DARS1: variants seen among roughly 807,000 people sequenced by gnomAD.
DARS1 encodes aspartyl-tRNA synthetase 1.
DARS1 carries 51 observed loss-of-function variants against 68.8 expected under a neutral mutation model. That is an observed-to-expected ratio of 0.74 (90% CI 0.59 to 0.94). The LOEUF (loss-of-function observed/expected upper bound fraction) is 0.94. DARS1 is among the 40% of genes least tolerant of loss of function. DARS1 has a pLI of 0.00. For synonymous variants in DARS1, 203 were observed against 190.4 expected (o/e 1.07, Z -0.55); for missense variants, 607 against 597.3 (o/e 1.02, Z -0.17).
At chr2:135,972,239 G>A (rs1031348047) in intron 3 of DARS1, among the ~76,000 whole-genome samples, 1 of 152,102 alleles carries the variant, frequency 6.6e-6, no homozygotes, top group Non-Finnish European at 1.5e-5. Flanking sequence ...CAGACACACA[G>A]ACCAGTGGAA....
At chr2:135,915,415 T>C (rs1026602570) in intron 11 of DARS1, among the ~76,000 whole-genome samples, 1 of 152,032 alleles carries the variant, frequency 6.6e-6, no homozygotes, top group Non-Finnish European at 1.5e-5. Flanking sequence ...GCCTCTGGAG[T>C]AGTTGGGACT....
intron 4 of DARS1, among the ~76,000 whole-genome samples, chr2:135,954,319 C>CA (rs1681912645): frequency 1.8e-5 from 1 of 55,822 alleles, no homozygotes; most frequent in Non-Finnish European, 3.7e-5. Context: ...ACCAAAAAAA[C>CA]AAAACCAAAA....
At chr2:135,937,223 G>C (rs1017036136) in intron 5 of DARS1, among the ~76,000 whole-genome samples, 1 of 151,918 alleles carries the variant, frequency 6.6e-6, no homozygotes, top group Non-Finnish European at 1.5e-5. Flanking sequence ...TGAGTAGCTG[G>C]GATTGCATGC....
intron 10 of DARS1, among the ~76,000 whole-genome samples, chr2:135,918,432 T>C (rs1681048830): frequency 6.6e-6 from 1 of 152,108 alleles, no homozygotes; most frequent in African/African-American, 2.4e-5. Flanking sequence ...GAGAGGTAAA[T>C]ACTAATGATA....
Position 135,916,308 on chromosome 2 carries a change from G to T in DARS1, c.1024C>A (p.Pro342Thr), listed in dbSNP as rs1681004452. 1 of 1,535,668 alleles carries T rather than the reference G, an allele frequency of 6.5e-7. No individual in the cohort carries two copies. The highest frequency in any genetic ancestry group is 9.0e-7 in the Non-Finnish European group (1 of 1,108,536). ...FPCEPFKFLEPTLRLEYCEAL... is the reference protein window; with the variant it reads ...FPCEPFKFLETTLRLEYCEAL... ...TCACAATATTCTAGTCTTAGAGTTGGCTCCAAAAATTTGAATGGCTCACAT... is the reference window on the plus strand; with the variant it reads ...TCACAATATTCTAGTCTTAGAGTTGTCTCCAAAAATTTGAATGGCTCACAT... The change falls in exon 11 of 16, where the codon CCA becomes ACA. Residue 342 changes from proline (P) to threonine (T), a missense_variant. Coordinates refer to ENST00000264161, the MANE Select transcript of DARS1 (RefSeq NM_001349.4).
At position 135,920,604 on chromosome 2, in the gene DARS1, T is replaced by C. The variant is rs566998932; in HGVS notation, c.812-4A>G. 3.8e-6 allele frequency: 6 copies of C among 1,577,876 alleles called. No individual in the cohort carries two copies. In the African/African-American group the frequency reaches 6.9e-5, roughly 18 times the overall value. ...TTAGAGTCTTCCGCTCTGAATACTG[T>C]GAAGTTAATAAAAGAAATAGAGAGC... On this transcript the variant is annotated splice_polypyrimidine_tract_variant and splice_region_variant and intron_variant, in intron 9 of 15. Transcript: ENST00000264161.
chr2:135,929,411 T>C (rs1681294371), intron 7 of DARS1, among the ~76,000 whole-genome samples: 1 of 152,232 alleles, frequency 6.6e-6, no homozygotes, highest in Non-Finnish European at 1.5e-5. Flanking sequence ...TACTAGTACT[T>C]AATATTTTCC....
chr2:135,961,571 C>A, intron 3 of DARS1, 73 bp from the exon 4 acceptor site: 1 of 860,632 alleles, frequency 1.2e-6, no homozygotes, highest in Non-Finnish European at 2.0e-6. Flanking sequence ...GGAAAATGCT[C>A]TCTACTTTAA....
chr2:135,965,825 T>C (rs1575404389), intron 3 of DARS1, among the ~76,000 whole-genome samples: 1 of 152,308 alleles, frequency 6.6e-6, no homozygotes, highest in South Asian at 2.1e-4. Context: ...TACAAGAACC[T>C]TGATGGTCCA....
chr2:135,948,235 A>T (rs939665792), intron 4 of DARS1, among the ~76,000 whole-genome samples: 2 of 152,234 alleles, frequency 1.3e-5, no homozygotes, highest in African/African-American at 2.4e-5. Flanking sequence ...CTGTTCAAGG[A>T]GTTGCAATAC....
intron 5 of DARS1, among the ~76,000 whole-genome samples, chr2:135,941,911 A>G (rs1681606921): frequency 6.6e-6 from 1 of 152,264 alleles, no homozygotes; most frequent in Non-Finnish European, 1.5e-5. Flanking sequence ...AAAAATGCTC[A>G]TCATCACTGG....
intron 4 of DARS1, among the ~76,000 whole-genome samples, chr2:135,954,442 G>GA (rs1449507895): frequency 1.3e-5 from 2 of 151,694 alleles, no homozygotes; most frequent in African/African-American, 2.4e-5. Flanking sequence ...GATCAAGTGA[G>GA]AAAAAAATCT....
Position 135,922,897 on chromosome 2 carries a change from T to C in DARS1, c.698A>G (p.Asn233Ser), listed in dbSNP as rs139872602. The C allele has an allele frequency of 1.5e-5, 23 of 1,557,942 alleles. No individual in the cohort carries two copies. The highest frequency in any genetic ancestry group is 1.4e-4 in the African/African-American group (10 of 72,352). Reference sequence around the variant, plus strand: ...TTTAAAATATGACACAGTAAAAACATTGGCTCCTCCTTCACTGGCAGCTGA... The same window carrying C: ...TTTAAAATATGACACAGTAAAAACACTGGCTCCTCCTTCACTGGCAGCTGA... ...IISAASEGGANVFTVSYFKNN... is the reference protein window; with the variant it reads ...IISAASEGGASVFTVSYFKNN... The change falls in exon 9 of 16, where the codon AAT (asparagine) becomes AGT (serine). Residue 233 changes from asparagine to serine, a missense_variant. Coordinates refer to ENST00000264161, the MANE Select transcript of DARS1 (RefSeq NM_001349.4).
intron 1 of DARS1, chr2:135,985,179 T>G (rs1682746032): frequency 3.1e-6 from 2 of 651,784 alleles, no homozygotes; most frequent in South Asian, 5.6e-5. Context: ...GGGGACACGC[T>G]TCTAGTAGGC....
chr2:135,985,574 G>A lies in DARS1; in HGVS notation c.-106C>T. 1.3e-6 allele frequency: 2 copies of A among 1,581,320 alleles called. No individual in the cohort carries two copies. The highest frequency in any genetic ancestry group is 1.7e-6 in the Non-Finnish European group (2 of 1,163,190). ...CCCAGTCTCCGCCCTCCCGACCCTG[G>A]GGTCTCAGCACACGCGCTCGGACTC... On this transcript the variant is annotated 5_prime_UTR_variant, in exon 1 of 16. Coordinates refer to ENST00000264161, the MANE Select transcript of DARS1 (RefSeq NM_001349.4).
At chr2:135,942,843 G>A (rs1681635568) in intron 5 of DARS1, among the ~76,000 whole-genome samples, 1 of 152,082 alleles carries the variant, frequency 6.6e-6, no homozygotes. Flanking sequence ...ACTTCCTCTT[G>A]CTCCTGCATG....
chr2:135,927,828 A>G (rs1194488639), intron 7 of DARS1, among the ~76,000 whole-genome samples: 1 of 152,216 alleles, frequency 6.6e-6, no homozygotes, highest in Non-Finnish European at 1.5e-5. Flanking sequence ...TTTAAATTCT[A>G]TAGCAAACTT....
In DARS1 at chr2:135,932,830, T is replaced by C. The variant is rs1681380327; in HGVS notation, c.517A>G (p.Thr173Ala). 3 of 1,301,678 alleles carry C rather than the reference T, an allele frequency of 2.3e-6. No homozygotes were observed. The highest frequency in any genetic ancestry group is 2.6e-5 in the South Asian group (2 of 77,292). The allele number at this position is 1,301,678 out of a possible 1,614,324, so 80.6% of individuals were successfully genotyped here. Residue 173 changes from threonine (T) to alanine (A), a missense_variant, in exon 7 of 16, where the codon ACT (threonine) becomes GCT (alanine). Physicochemically the swap from Thr to Ala is moderately conservative, Grantham distance 58. Coordinates refer to ENST00000264161, the MANE Select transcript of DARS1 (RefSeq NM_001349.4). ...EAEGEEEGRA[T>A]VNQDTRLDNR... ...TCTAATCTTGTATCCTGGTTAACAG[T>C]AGCTCTTCCTTCCTAAAAAAAAAAA...
At chr2:135,953,030 T>C (rs547466614) in intron 4 of DARS1, among the ~76,000 whole-genome samples, 1 of 152,308 alleles carries the variant, frequency 6.6e-6, no homozygotes, top group East Asian at 1.9e-4. Flanking sequence ...CCACATCAAG[T>C]TTTTGAGTGT....
Sources: allele counts gnomAD v4.1 joint callset (sites outside exome capture counted in the v4.1 genomes callset), GRCh38; gene constraint gnomAD v4.1.1; transcripts MANE v1.5; gene names NCBI Gene and HGNC (gene_info 2026-07-23, HGNC 2026-07-21).